Variants in NRIP1 observed in about 807,000 individuals in gnomAD.
NRIP1 encodes the protein nuclear receptor-interacting protein 1.
A neutral mutation model predicts 75.0 loss-of-function variants in NRIP1; 28 were observed. The ratio of observed to expected loss-of-function variants is 0.37; its 90% CI spans 0.28 to 0.51. NRIP1 has a LOEUF of 0.51. Among genes scored for constraint, NRIP1 ranks in the 20% least tolerant of loss-of-function variants. The pLI is 0.92. For synonymous variants in NRIP1, 526 were observed against 487.6 expected, an observed-to-expected ratio of 1.08 and a Z score of -1.04; for missense variants, 1,435 against 1,343.7, an observed-to-expected ratio of 1.07 and a Z score of -1.06.
chr21:15,027,003 T>C (rs1463092273), intron 2 of NRIP1, among the ~76,000 whole-genome samples: 1 of 152,020 alleles, frequency 6.6e-6, no homozygotes, highest in Non-Finnish European at 1.5e-5. Context: ...CTGTACCCCA[T>C]GAATATATAC....
intron 3 of NRIP1, among the ~76,000 whole-genome samples, chr21:14,983,026 A>G (rs2087289111): frequency 6.6e-6 from 1 of 151,834 alleles, no homozygotes; most frequent in African/African-American, 2.4e-5. Flanking sequence ...AGTCCTTTTT[A>G]TTGCCTGAGA....
chr21:15,039,856 G>T (rs1342926467), intron 2 of NRIP1, among the ~76,000 whole-genome samples: 4 of 152,008 alleles, frequency 2.6e-5, no homozygotes, highest in Admixed American at 6.5e-5. Context: ...CATTCAACAT[G>T]CCCCCTAAAC....
intron 3 of NRIP1, among the ~76,000 whole-genome samples, chr21:14,993,829 G>C (rs1405788087): frequency 6.6e-6 from 1 of 151,598 alleles, no homozygotes; most frequent in East Asian, 1.9e-4. Context: ...TCCAACACAG[G>C]AGGTCCTCAA....
intron 2 of NRIP1, among the ~76,000 whole-genome samples, chr21:15,024,578 G>GTGTGTC (rs1407046899): frequency 1.3e-5 from 2 of 151,304 alleles, no homozygotes; most frequent in African/African-American, 4.9e-5. Context: ...GTGTGTGTGT[G>GTGTGTC]TGTGTGTGTG....
chr21:14,981,075 G>C (rs943839614), intron 3 of NRIP1, among the ~76,000 whole-genome samples: 2 of 152,268 alleles, frequency 1.3e-5, no homozygotes, highest in East Asian at 3.9e-4. Context: ...TACCTGTGAA[G>C]AGTCAATAAA....
chr21:15,048,452 C>CTA (rs1481626613), intron 1 of NRIP1, among the ~76,000 whole-genome samples: 1 of 152,170 alleles, frequency 6.6e-6, no homozygotes, highest in Non-Finnish European at 1.5e-5. Flanking sequence ...AGAATCTTAA[C>CTA]TACAGGCAGG....
intron 3 of NRIP1, among the ~76,000 whole-genome samples, chr21:14,979,995 T>TA (rs1340919533): frequency 1.3e-5 from 2 of 152,148 alleles, no homozygotes; most frequent in African/African-American, 4.8e-5. Context: ...AAACTGAAAT[T>TA]AGTAGTATGC....
In NRIP1 at chr21:14,964,698, C is replaced by T. The variant is rs1193069338; in HGVS notation, c.*18G>A. On this transcript the variant is annotated 3_prime_UTR_variant, in exon 4 of 4. Transcript: ENST00000318948. ...TCATTAGTTTTAAAAAGATCCAAAACTGGATGGCAGGTACATTTTATTCTG... is the reference window on the plus strand; with the variant it reads ...TCATTAGTTTTAAAAAGATCCAAAATTGGATGGCAGGTACATTTTATTCTG... The T allele has an allele frequency of 2.0e-6, 3 of 1,501,362 alleles. No homozygotes were observed. The highest frequency in any genetic ancestry group is 2.3e-5 in the East Asian group (1 of 44,104). 93.0% of individuals were successfully genotyped at this position (1,501,362 alleles called of 1,614,324 possible).
At chr21:15,027,475 T>G (rs2088548362) in intron 2 of NRIP1, among the ~76,000 whole-genome samples, 1 of 152,212 alleles carries the variant, frequency 6.6e-6, no homozygotes, top group Non-Finnish European at 1.5e-5. Flanking sequence ...CAGATTTTCT[T>G]TATTCTCCTT....
At chr21:15,037,419 A>G (rs1208170411) in intron 2 of NRIP1, among the ~76,000 whole-genome samples, 1 of 152,180 alleles carries the variant, frequency 6.6e-6, no homozygotes, top group African/African-American at 2.4e-5. Context: ...ATCACCCTAT[A>G]TGTGGGAGGC....
chr21:15,015,893 T>A (rs1003925593), intron 2 of NRIP1, among the ~76,000 whole-genome samples: 1 of 152,132 alleles, frequency 6.6e-6, no homozygotes, highest in African/African-American at 2.4e-5. Context: ...AATAAAATGA[T>A]GCAAATAGGA....
intron 2 of NRIP1, among the ~76,000 whole-genome samples, chr21:15,040,957 A>G (rs975482912): frequency 2.0e-5 from 3 of 152,084 alleles, no homozygotes; most frequent in Non-Finnish European, 2.9e-5. Context: ...CTATTACTCT[A>G]AACACATGCA....
chr21:15,004,933 A>C (rs2087929892), intron 3 of NRIP1, among the ~76,000 whole-genome samples: 1 of 152,206 alleles, frequency 6.6e-6, no homozygotes, highest in Non-Finnish European at 1.5e-5. Context: ...TGCCAGAGGG[A>C]AAAGTGTGTA....
chr21:14,973,294 C>G (rs1372433919), intron 3 of NRIP1, among the ~76,000 whole-genome samples: 2 of 151,000 alleles, frequency 1.3e-5, no homozygotes, highest in Non-Finnish European at 3.0e-5. Flanking sequence ...ATACTAAGAA[C>G]AAATAAAGGC....
Position 14,966,099 on chromosome 21 carries a change from A to G in NRIP1, c.2094T>C (p.Leu698=), listed in dbSNP as rs374480605. 6.2e-7 allele frequency: 1 copy of G among 1,612,368 alleles called. No homozygotes were observed. The highest frequency in any genetic ancestry group is 1.7e-5 in the Admixed American group (1 of 59,956). ...GCAGATTTTCTATTTCAGAACCAGA[A>G]AGCCCTGGTTCAGGACCTGTTGGTT... is the stretch of plus-strand genomic sequence containing the variant. ...SSQPTGPEPG[L]SGSEIENLLE... The change falls in exon 4 of 4, where the codon CTT becomes CTC. Residue 698 remains leucine (L), a synonymous_variant. Coordinates refer to ENST00000318948, the MANE Select transcript of NRIP1 (RefSeq NM_003489.4).
At chr21:14,985,144 T>C (rs1409614389) in intron 3 of NRIP1, among the ~76,000 whole-genome samples, 1 of 152,230 alleles carries the variant, frequency 6.6e-6, no homozygotes, top group Non-Finnish European at 1.5e-5. Context: ...GCAAGAATTA[T>C]GTCTTTTTCA....
intron 1 of NRIP1, among the ~76,000 whole-genome samples, chr21:15,044,253 T>G (rs2823020): frequency 0.1 from 15,106 of 151,334 alleles, 1,277 homozygotes; most frequent in East Asian, 0.48. Context: ...TTAACAGTCA[T>G]TGCAGAGTTT....
At chr21:15,016,345 G>A (rs75154103) in intron 2 of NRIP1, among the ~76,000 whole-genome samples, 4 of 152,078 alleles carry the variant, frequency 2.6e-5, no homozygotes, top group African/African-American at 4.8e-5. Context: ...ATAACCATAT[G>A]TGTAATTACA....
In NRIP1 at chr21:14,999,341, T is replaced by C. The variant is rs1002602676; in HGVS notation, c.-335+15003A>G. 2.0e-5 allele frequency among the ~76,000 whole-genome samples: 3 copies of C among 152,216 alleles called. No homozygotes were observed. In the South Asian group the frequency reaches 6.2e-4, roughly 32 times the overall value. ...ACCTTTCTTCATAATACTAAATATG[T>C]TGTCACCCATTCTTGGCATGGAAGT... On this transcript the variant is annotated intron_variant, in intron 3 of 3. Coordinates refer to ENST00000318948, the MANE Select transcript of NRIP1 (RefSeq NM_003489.4).
Sources: allele counts gnomAD v4.1 joint callset (sites outside exome capture counted in the v4.1 genomes callset), GRCh38; gene constraint gnomAD v4.1.1; transcripts MANE v1.5; gene names NCBI Gene and HGNC (gene_info 2026-07-23, HGNC 2026-07-21).